KIAA1755: variants seen among roughly 807,000 people sequenced by gnomAD.
KIAA1755 encodes the protein uncharacterized protein KIAA1755.
Under a neutral mutation model 91.7 loss-of-function variants are expected in KIAA1755, and 68 were observed. That is an observed-to-expected ratio of 0.74 (90% confidence interval 0.61 to 0.91). The LOEUF is 0.91. Among genes scored for constraint, KIAA1755 ranks in the 40% least tolerant of loss-of-function variants. The pLI is 0.00. For synonymous variants in KIAA1755, 610 were observed against 604.6 expected, an observed-to-expected ratio of 1.01 and a Z score of -0.13; for missense variants, 1,535 against 1,494.4, an observed-to-expected ratio of 1.03 and a Z score of -0.45.
intron 9 of KIAA1755, 136 bp downstream of exon 9, chr20:38,223,402 A>T: frequency 1.6e-6 from 1 of 621,154 alleles, no homozygotes; most frequent in Non-Finnish European, 2.6e-6. Context: ...TGCCCCTCAA[A>T]TATGAGTCAA....
intron 2 of KIAA1755, among the ~76,000 whole-genome samples, chr20:38,243,664 C>A (rs2076106138): frequency 6.6e-6 from 1 of 152,198 alleles, no homozygotes; most frequent in South Asian, 2.1e-4. Context: ...GGACCTAGGC[C>A]TTCACATTTC....
intron 8 of KIAA1755, among the ~76,000 whole-genome samples, chr20:38,224,792 C>T (rs983078555): frequency 1.3e-5 from 2 of 152,134 alleles, no homozygotes; most frequent in African/African-American, 4.8e-5. Flanking sequence ...AAGGCACCCT[C>T]GCCCTATGTG....
intron 1 of KIAA1755, among the ~76,000 whole-genome samples, chr20:38,252,006 A>G (rs2076259364): frequency 6.6e-6 from 1 of 152,176 alleles, no homozygotes; most frequent in Non-Finnish European, 1.5e-5. Flanking sequence ...TACTCCAGAG[A>G]GAGGCCCCTT....
In KIAA1755 at chr20:38,219,817, C is replaced by T. The variant is rs199575384; in HGVS notation, c.2418-49G>A. ...AAAGGCCTCTGTTGCCCTCTTCACCCTGCTGTACTTCTGTCCCGCATAGGC... is the reference window on the plus strand; with the variant it reads ...AAAGGCCTCTGTTGCCCTCTTCACCTTGCTGTACTTCTGTCCCGCATAGGC... On this transcript the variant is annotated intron_variant, in intron 10 of 13. Coordinates refer to ENST00000279024, the MANE Select transcript of KIAA1755 (RefSeq NM_001029864.2). 7.9e-5 allele frequency: 127 copies of T among 1,608,410 alleles called. 1 individual carries two copies. The Middle Eastern group carries it at 8.3e-4, about 10-fold the overall frequency.
At chr20:38,225,518 A>G in intron 8 of KIAA1755, 147 bp downstream of exon 8, 2 of 674,770 alleles carry the variant, frequency 3.0e-6, no homozygotes, top group Non-Finnish European at 5.4e-6. Context: ...GCTCTTAATC[A>G]TTTGACTCTG....
chr20:38,215,321 C>G (rs2075525670), intron 13 of KIAA1755, among the ~76,000 whole-genome samples: 1 of 152,232 alleles, frequency 6.6e-6, no homozygotes, highest in Non-Finnish European at 1.5e-5. Context: ...CACCTCCACA[C>G]AGGCCATCCC....
intron 1 of KIAA1755, among the ~76,000 whole-genome samples, chr20:38,247,668 G>A (rs6024272): frequency 6.6e-6 from 1 of 152,224 alleles, no homozygotes; most frequent in African/African-American, 2.4e-5. Context: ...GGGGAGTTAA[G>A]GCTACCAATG....
Position 38,218,349 on chromosome 20 carries a change from C to G in KIAA1755, c.2574G>C (p.Glu858Asp). ...ATTGCAGGCACCGCCTTCCTTCCTGCTCCATCCAGTCGCTGACCTGGGGCA... is the reference window on the plus strand; with the variant it reads ...ATTGCAGGCACCGCCTTCCTTCCTGGTCCATCCAGTCGCTGACCTGGGGCA... ...AAIHQVSDWM[E>D]QEGRRCLQSL... Residue 858 changes from glutamate to aspartate, a missense_variant, in exon 12 of 14, where the codon GAG (glutamate) becomes GAC (aspartate). Glu to Asp is a conservative substitution (Grantham distance 45). Coordinates refer to ENST00000279024, the MANE Select transcript of KIAA1755 (RefSeq NM_001029864.2). 6.2e-7 allele frequency: 1 copy of G among 1,614,200 alleles called. No individual in the cohort carries two copies. Among genetic ancestry groups the G allele is most frequent in the Non-Finnish European group, 8.5e-7 (1 of 1,180,040 alleles).
chr20:38,217,053 T>C (rs895216413), intron 13 of KIAA1755, 200 bp downstream of exon 13: 63 of 640,636 alleles, frequency 9.8e-5, no homozygotes, highest in African/African-American at 8.6e-4. Context: ...TGGGTATCCC[T>C]GTCCCTGCTG....
intron 1 of KIAA1755, among the ~76,000 whole-genome samples, chr20:38,259,643 CA>C (rs2076405212): frequency 6.6e-6 from 1 of 151,458 alleles, no homozygotes; most frequent in Non-Finnish European, 1.5e-5. Context: ...GTCACAGTCA[CA>C]GGGTTAAAGC....
Position 38,245,909 on chromosome 20 carries a change from C to T in KIAA1755, c.201+20G>A, listed in dbSNP as rs780813132. On this transcript the variant is annotated intron_variant, in intron 2 of 13. Transcript: ENST00000279024. ...TTCTGGAACAGCTTGTTCCCTGTCCCTGTTTCCCTCTTGACTTACACAGGC... is the reference window on the plus strand; with the variant it reads ...TTCTGGAACAGCTTGTTCCCTGTCCTTGTTTCCCTCTTGACTTACACAGGC... 2 of 1,612,526 alleles carry T rather than the reference C, an allele frequency of 1.2e-6. No individual in the cohort carries two copies. Among genetic ancestry groups the T allele is most frequent in the Non-Finnish European group, 1.7e-6 (2 of 1,178,690 alleles).
intron 2 of KIAA1755, 151 bp downstream of exon 2, chr20:38,245,777 CT>C (rs1456698958): frequency 1.2e-5 from 8 of 671,870 alleles, no homozygotes; most frequent in Admixed American, 2.6e-5. Context: ...ATGTCTCCCC[CT>C]GGGCAAGCAA....
chr20:38,249,499 G>A (rs959843145), intron 1 of KIAA1755, among the ~76,000 whole-genome samples: 1 of 152,214 alleles, frequency 6.6e-6, no homozygotes, highest in Admixed American at 6.5e-5. Flanking sequence ...ATGCCAGGAG[G>A]CTTTTACAGA....
chr20:38,233,869 C>T (rs2075912020), intron 4 of KIAA1755: 1 of 152,124 alleles, frequency 6.6e-6, no homozygotes, highest in South Asian at 2.1e-4. Flanking sequence ...GTCTTAACTC[C>T]CAGTACATCA....
chr20:38,231,417 G>A (rs540099532), intron 4 of KIAA1755, 92 bp from the exon 5 acceptor site: 305 of 1,373,464 alleles, frequency 2.2e-4, no homozygotes, highest in Non-Finnish European at 2.7e-4. Flanking sequence ...GGCCGTAACG[G>A]TTCCTTTGCC....
At chr20:38,239,464 A>C (rs2076014185) in intron 4 of KIAA1755, 64 bp downstream of exon 4, 1 of 1,447,862 alleles carries the variant, frequency 6.9e-7, no homozygotes. Context: ...ACCCAACAGC[A>C]GCTGAAGATG....
intron 10 of KIAA1755, among the ~76,000 whole-genome samples, chr20:38,220,383 C>T (rs2075636236): frequency 6.6e-6 from 1 of 150,864 alleles, no homozygotes; most frequent in Non-Finnish European, 1.5e-5. Context: ...GGCGCGATCT[C>T]CATTCACTGC....
At chr20:38,255,431 T>C (rs2076324415) in intron 1 of KIAA1755, among the ~76,000 whole-genome samples, 1 of 152,208 alleles carries the variant, frequency 6.6e-6, no homozygotes, top group Admixed American at 6.5e-5. Flanking sequence ...AGTGTTGCTT[T>C]GGCCCAGCAC....
rs774220205 is a variant in KIAA1755, at chr20:38,222,501, G to C, written c.2365C>G (p.Leu789Val). 3 of 1,613,850 alleles carry C rather than the reference G, an allele frequency of 1.9e-6. No homozygotes were observed. The Admixed American group carries it at 5.0e-5, about 27-fold the overall frequency. ...LGLQREGGAT[L>V]ARLQHDASRL... ...CTGGCATCATGCTGCAGCCTGGCCA[G>C]GGTGGCTCCACCTTCCCGCTGGAGG... is the stretch of plus-strand genomic sequence containing the variant. The change falls in exon 10 of 14, where the codon CTG becomes GTG. Residue 789 changes from leucine to valine, a missense_variant. Physicochemically the swap from Leu to Val is conservative, Grantham distance 32. Transcript: ENST00000279024.
Sources: allele counts gnomAD v4.1 joint callset (sites outside exome capture counted in the v4.1 genomes callset), GRCh38; gene constraint gnomAD v4.1.1; transcripts MANE v1.5; gene names NCBI Gene and HGNC (gene_info 2026-07-23, HGNC 2026-07-21).